Variants in LDLRAD3 observed in about 807,000 individuals in gnomAD.
The protein encoded by LDLRAD3 is low-density lipoprotein receptor class A domain-containing protein 3.
In LDLRAD3, 20 loss-of-function variants were observed where a neutral mutation model predicts 29.4. The observed-to-expected ratio is 0.68, with a 90% CI of 0.48 to 0.99. The LOEUF is 0.99. Ranked by LOEUF, LDLRAD3 falls within the 50% of genes least tolerant of loss-of-function variation. The pLI, the probability that LDLRAD3 is intolerant of heterozygous loss-of-function variation, is 0.00. For missense variants in LDLRAD3, 420 were observed against 454.3 expected (o/e 0.92, Z 0.69); for synonymous variants, 157 against 192.7 (o/e 0.81, Z 1.53).
intron 4 of LDLRAD3, among the ~76,000 whole-genome samples, chr11:36,173,648 C>T (rs1854630199): frequency 6.6e-6 from 1 of 152,078 alleles, no homozygotes; most frequent in African/African-American, 2.4e-5. Flanking sequence ...AATAAACATA[C>T]ATTTGCATGT....
chr11:36,182,831 T>A (rs932118387), intron 4 of LDLRAD3, among the ~76,000 whole-genome samples: 1 of 152,142 alleles, frequency 6.6e-6, no homozygotes, highest in Non-Finnish European at 1.5e-5. Context: ...TGGGAAGGCA[T>A]TCCTGGAATG....
chr11:36,137,329 G>A (rs1476301053), intron 4 of LDLRAD3, among the ~76,000 whole-genome samples: 1 of 152,070 alleles, frequency 6.6e-6, no homozygotes, highest in Non-Finnish European at 1.5e-5. Flanking sequence ...TCAGATGTAG[G>A]GCTCAATTCA....
chr11:36,204,339 A>G (rs1855173630), intron 4 of LDLRAD3, among the ~76,000 whole-genome samples: 3 of 152,164 alleles, frequency 2.0e-5, no homozygotes. Flanking sequence ...CAAAGAAGGT[A>G]AGTAGTTGGC....
At chr11:36,153,039 C>G (rs1053748368) in intron 4 of LDLRAD3, among the ~76,000 whole-genome samples, 23 of 152,032 alleles carry the variant, frequency 1.5e-4, no homozygotes, top group Admixed American at 1.4e-3. Context: ...GGTTCCACTC[C>G]TGAATCTGCC....
intron 1 of LDLRAD3, among the ~76,000 whole-genome samples, chr11:36,035,072 A>G (rs965496020): frequency 1.4e-4 from 22 of 152,206 alleles, no homozygotes; most frequent in African/African-American, 5.3e-4. Context: ...TTATCTCTGC[A>G]TCTTTAGAAC....
chr11:35,975,598 G>T (rs1178281218), intron 1 of LDLRAD3, among the ~76,000 whole-genome samples: 1 of 152,172 alleles, frequency 6.6e-6, no homozygotes, highest in Non-Finnish European at 1.5e-5. Context: ...CCTGTAGGGG[G>T]TAGAGAACTC....
chr11:36,228,107 TC>T (rs2133394918), intron 5 of LDLRAD3, among the ~76,000 whole-genome samples: 1 of 152,328 alleles, frequency 6.6e-6, no homozygotes, highest in South Asian at 2.1e-4. Context: ...TGGGCCCGTT[TC>T]CTGATCAGCA....
chr11:36,173,756 A>G (rs1414314573), intron 4 of LDLRAD3, among the ~76,000 whole-genome samples: 4 of 152,208 alleles, frequency 2.6e-5, no homozygotes, highest in African/African-American at 9.6e-5. Flanking sequence ...TAGATCTTTG[A>G]GAATCAATAT....
intron 2 of LDLRAD3, among the ~76,000 whole-genome samples, chr11:36,048,105 G>A (rs935414544): frequency 4.6e-5 from 7 of 152,210 alleles, no homozygotes; most frequent in African/African-American, 1.7e-4. Context: ...CAGGGTTGGC[G>A]AGAGTTTTTG....
At chr11:36,004,665 C>A (rs1851862909) in intron 1 of LDLRAD3, among the ~76,000 whole-genome samples, 1 of 152,238 alleles carries the variant, frequency 6.6e-6, no homozygotes, top group South Asian at 2.1e-4. Flanking sequence ...GGGCTCCAAC[C>A]CCACATTTCC....
chr11:36,162,557 T>C (rs1017638900), intron 4 of LDLRAD3, among the ~76,000 whole-genome samples: 1 of 152,202 alleles, frequency 6.6e-6, no homozygotes, highest in Non-Finnish European at 1.5e-5. Flanking sequence ...TGCACATGAC[T>C]GAGGGGAGGC....
At chr11:36,094,475 C>G (rs1024079574) in intron 3 of LDLRAD3, among the ~76,000 whole-genome samples, 1 of 152,230 alleles carries the variant, frequency 6.6e-6, no homozygotes, top group African/African-American at 2.4e-5. Flanking sequence ...TTAGCCAGCC[C>G]TGGCATTGTA....
chr11:36,028,106 C>T (rs61879141), intron 1 of LDLRAD3, among the ~76,000 whole-genome samples: 11,125 of 152,222 alleles, frequency 0.073, 441 homozygotes, highest in South Asian at 0.14. Context: ...TCCTGGGAGC[C>T]CAGAAGTGTT....
At chr11:36,227,913 G>T in intron 5 of LDLRAD3, among the ~76,000 whole-genome samples, 1 of 152,216 alleles carries the variant, frequency 6.6e-6, no homozygotes, top group Middle Eastern at 3.2e-3. Context: ...GATAAATGAA[G>T]AAGTGAATGA....
chr11:36,167,161 G>C (rs1239446407), intron 4 of LDLRAD3, among the ~76,000 whole-genome samples: 1 of 152,194 alleles, frequency 6.6e-6, no homozygotes, highest in Non-Finnish European at 1.5e-5. Flanking sequence ...GCAAGCTGGA[G>C]ACCAAGAGAA....
chr11:36,225,288 A>G (rs1855483788), intron 4 of LDLRAD3, among the ~76,000 whole-genome samples: 1 of 152,168 alleles, frequency 6.6e-6, no homozygotes, highest in Non-Finnish European at 1.5e-5. Flanking sequence ...CATTTAGATT[A>G]TTCTTCCAGC....
chr11:35,966,013 TCTTACC>T (rs372679190), intron 1 of LDLRAD3, among the ~76,000 whole-genome samples: 1 of 152,378 alleles, frequency 6.6e-6, no homozygotes, highest in East Asian at 1.9e-4. Flanking sequence ...TACTGAATTC[TCTTACC>T]CTTTTATCAC....
intron 1 of LDLRAD3, among the ~76,000 whole-genome samples, chr11:35,969,005 A>G (rs1376490790): frequency 6.6e-6 from 1 of 152,180 alleles, no homozygotes; most frequent in African/African-American, 2.4e-5. Flanking sequence ...TGTGCGTACC[A>G]AGTCCCCGGC....
At chr11:35,957,401 C>A (rs756755863) in intron 1 of LDLRAD3, among the ~76,000 whole-genome samples, 3 of 152,222 alleles carry the variant, frequency 2.0e-5, no homozygotes, top group Non-Finnish European at 4.4e-5. Context: ...CAGCTTATAT[C>A]CTTGTCTATA....
Sources: gnomAD v4.1 joint callset for allele counts (sites outside exome capture counted in the v4.1 genomes callset) on GRCh38, gnomAD v4.1.1 for gene constraint, MANE v1.5 for transcripts, NCBI Gene and HGNC (gene_info 2026-07-23, HGNC 2026-07-21) for gene names.